PGAP1: variants seen among roughly 807,000 people sequenced by gnomAD.
PGAP1 encodes post-GPI attachment to proteins inositol deacylase 1.
PGAP1 carries 76 observed loss-of-function variants against 127.0 expected under a neutral mutation model. That is an observed-to-expected ratio of 0.60 (90% CI 0.50 to 0.72). PGAP1 has a LOEUF of 0.72. Among genes scored for constraint, PGAP1 ranks in the 30% least tolerant of loss-of-function variants. The pLI, the probability that PGAP1 is intolerant of heterozygous loss-of-function variation, is 0.00. For missense variants in PGAP1, 982 were observed against 1,071.3 expected (o/e 0.92, Z 1.16); for synonymous variants, 362 against 366.5 (o/e 0.99, Z 0.14).
At chr2:196,916,193 T>G (rs1228243097) in intron 3 of PGAP1, among the ~76,000 whole-genome samples, 1 of 152,210 alleles carries the variant, frequency 6.6e-6, no homozygotes, top group Non-Finnish European at 1.5e-5. Context: ...ATATAAAGTT[T>G]TAAAAAGTTT....
intron 12 of PGAP1, among the ~76,000 whole-genome samples, chr2:196,881,026 T>G (rs528960697): frequency 8.5e-5 from 13 of 152,060 alleles, no homozygotes; most frequent in Non-Finnish European, 1.9e-4. Flanking sequence ...CCTCCTACTC[T>G]CCACCCTCCA....
chr2:196,916,201 T>C (rs1048775460), intron 3 of PGAP1, among the ~76,000 whole-genome samples: 9 of 152,172 alleles, frequency 5.9e-5, no homozygotes, highest in African/African-American at 1.4e-4. Flanking sequence ...TTTTAAAAAG[T>C]TTTTCTTCCT....
Position 196,835,322 on chromosome 2 carries a change from A to G in PGAP1, c.*5912T>C, listed in dbSNP as rs1440438861. Reference sequence around the variant, plus strand: ...AAGAGACTGAATGGAAATACATAAAAAACAAAAGAAATTCCACAGTCACCT... The same window carrying G: ...AAGAGACTGAATGGAAATACATAAAGAACAAAAGAAATTCCACAGTCACCT... On this transcript the variant is annotated 3_prime_UTR_variant, in exon 27 of 27. Transcript: ENST00000354764. The G allele has an allele frequency of 6.6e-6, 1 of 151,982 alleles. No homozygotes were observed. The highest frequency in any genetic ancestry group is 1.5e-5 in the Non-Finnish European group (1 of 67,848). 9.4% of individuals were successfully genotyped at this position (151,982 alleles called of 1,614,324 possible). A position where few individuals can be genotyped will look rare whatever the true frequency, so the allele number is the denominator to read the frequency against.
chr2:196,874,134 T>C (rs1234829820), intron 14 of PGAP1, among the ~76,000 whole-genome samples: 1 of 151,946 alleles, frequency 6.6e-6, no homozygotes, highest in African/African-American at 2.4e-5. Context: ...GGGGGAAAAA[T>C]AAAAATCCTA....
At chr2:196,915,485 C>A (rs1702977574) in intron 3 of PGAP1, among the ~76,000 whole-genome samples, 1 of 152,224 alleles carries the variant, frequency 6.6e-6, no homozygotes, top group African/African-American at 2.4e-5. Context: ...TCCTCCATAT[C>A]TGTTCCTCCT....
rs916313915 is a variant in PGAP1 at position 196,839,999 on chromosome 2, T to C, written c.*1235A>G. ...TATGTCTCAGCCTGAGTTTACGCTA[T>C]CCTAAGGCAAAGAGTATACTCTTCT... On this transcript the variant is annotated 3_prime_UTR_variant, in exon 27 of 27. Transcript: ENST00000354764. The C allele has an allele frequency of 7.9e-5, 12 of 152,208 alleles. No homozygotes were observed. The highest frequency in any genetic ancestry group is 7.2e-4 in the Admixed American group (11 of 15,274). 9.4% of individuals were successfully genotyped at this position (152,208 alleles called of 1,614,324 possible). A position where few individuals can be genotyped will look rare whatever the true frequency, so the allele number is the denominator to read the frequency against.
At chr2:196,892,508 T>C (rs565085677) in intron 8 of PGAP1, 107 bp from the exon 9 acceptor site, 3 of 549,900 alleles carry the variant, frequency 5.5e-6, no homozygotes, top group African/African-American at 3.9e-5. Flanking sequence ...AATAAAGAAG[T>C]GGTTTTCTGA....
In PGAP1 at chr2:196,839,348, A is replaced by G. The variant is rs1207956766; in HGVS notation, c.*1886T>C. On this transcript the variant is annotated 3_prime_UTR_variant, in exon 27 of 27. Transcript: ENST00000354764. ...ATCAAAGTTGTTTATAAGTATAGTT[A>G]AACATAGGGAGATGTGTCCCTATTT... The G allele has an allele frequency of 6.6e-6, 1 of 152,288 alleles. No individual in the cohort carries two copies. Among genetic ancestry groups the G allele is most frequent in the Non-Finnish European group, 1.5e-5 (1 of 68,028 alleles). 9.4% of individuals were successfully genotyped at this position (152,288 alleles called of 1,614,324 possible). A position where few individuals can be genotyped will look rare whatever the true frequency, so the allele number is the denominator to read the frequency against.
Position 196,861,358 on chromosome 2 carries a change from G to A in PGAP1, c.1861+3629C>T, listed in dbSNP as rs75317416. On this transcript the variant is annotated intron_variant, in intron 20 of 26. Coordinates refer to ENST00000354764, the MANE Select transcript of PGAP1 (RefSeq NM_024989.4). Reference sequence around the variant, plus strand: ...GCTAAAAGGCTACTGCACAGCAAAGGCAACAAACAACAAAGTGAAGAGATA... The same window carrying A: ...GCTAAAAGGCTACTGCACAGCAAAGACAACAAACAACAAAGTGAAGAGATA... Among the ~76,000 whole-genome samples, 389 of 152,162 alleles carry A rather than the reference G, an allele frequency of 2.6e-3. 3 individuals carry two copies. Among genetic ancestry groups the A allele is most frequent in the African/African-American group, 8.7e-3 (363 of 41,522 alleles).
At chr2:196,843,864 A>G in intron 25 of PGAP1, 24 bp downstream of exon 25, 1 of 1,397,738 alleles carries the variant, frequency 7.2e-7, no homozygotes, top group Non-Finnish European at 9.5e-7. Flanking sequence ...CCACATAAAC[A>G]ATAATTATAT....
In PGAP1 at chr2:196,842,843, G is replaced by A. The variant is rs1700452305; in HGVS notation, c.2526-18C>T. 1 of 1,216,816 alleles carries A rather than the reference G, an allele frequency of 8.2e-7. No individual in the cohort carries two copies. Among genetic ancestry groups the A allele is most frequent in the Non-Finnish European group, 1.2e-6 (1 of 861,364 alleles). The allele number at this position is 1,216,816 out of a possible 1,614,324, so 75.4% of individuals were successfully genotyped here. Reference sequence around the variant, plus strand: ...AATAATACCTATAATATTAAAAAAAGAAACCCACAAATCAACAATGACCTG... The same window carrying A: ...AATAATACCTATAATATTAAAAAAAAAAACCCACAAATCAACAATGACCTG... On this transcript the variant is annotated intron_variant, in intron 25 of 26. Transcript: ENST00000354764.
At chr2:196,912,792 T>C (rs1702873921) in intron 4 of PGAP1, 90 bp downstream of exon 4, 1 of 1,229,994 alleles carries the variant, frequency 8.1e-7, no homozygotes, top group Non-Finnish European at 1.1e-6. Flanking sequence ...GATAAATCTG[T>C]AGCATACTCC....
At chr2:196,891,508 A>T (rs1702099782) in intron 9 of PGAP1, among the ~76,000 whole-genome samples, 1 of 152,178 alleles carries the variant, frequency 6.6e-6, no homozygotes, top group Non-Finnish European at 1.5e-5. Flanking sequence ...AAGAAAACAT[A>T]TTTAAATGCA....
chr2:196,896,828 T>TAAAAAAAAAA (rs566717804), intron 7 of PGAP1, among the ~76,000 whole-genome samples: 3 of 90,602 alleles, frequency 3.3e-5, no homozygotes, highest in South Asian at 4.2e-4. Flanking sequence ...GACTCCATCT[T>TAAAAAAAAAA]AAAAAAAAAA....
chr2:196,875,671 T>C, intron 14 of PGAP1, 75 bp downstream of exon 14: 1 of 782,294 alleles, frequency 1.3e-6, no homozygotes, highest in Non-Finnish European at 2.2e-6. Context: ...CATTTGATAT[T>C]ACAAAGCTCT....
chr2:196,859,512 CTA>C (rs1436760663), intron 20 of PGAP1, among the ~76,000 whole-genome samples: 1 of 151,954 alleles, frequency 6.6e-6, no homozygotes, highest in Admixed American at 6.6e-5. Flanking sequence ...CAAACTCATT[CTA>C]TGAGGCCAGC....
rs1196956303 is a variant in PGAP1 at position 196,873,005 on chromosome 2, C to T, written c.1574G>A (p.Arg525Lys). ...AVKEEITSIY[R>K]LHIPWSYEDS... The stretch of plus-strand genomic sequence containing the variant: ...TTCATAAGACCAAGGAATATGAAGT[C>T]TATAGATACTGGTTATTTCTTCTGT... Residue 525 changes from arginine (R) to lysine (K), a missense_variant, in exon 17 of 27, where the codon AGA becomes AAA. By Grantham distance (26) the Arg-to-Lys change is conservative. Transcript: ENST00000354764. 2.0e-6 allele frequency: 2 copies of T among 978,446 alleles called. No homozygotes were observed. Among genetic ancestry groups the T allele is most frequent in the African/African-American group, 1.7e-5 (1 of 58,698 alleles). The allele number at this position is 978,446 out of a possible 1,614,324, so 60.6% of individuals were successfully genotyped here. A position where few individuals can be genotyped will look rare whatever the true frequency, so the allele number is the denominator to read the frequency against.
At chr2:196,911,495 T>C (rs1428565800) in intron 4 of PGAP1, among the ~76,000 whole-genome samples, 3 of 96,424 alleles carry the variant, frequency 3.1e-5, no homozygotes, top group African/African-American at 4.1e-5. Flanking sequence ...TTGGGAGATA[T>C]ACCTAATGCT....
chr2:196,890,971 A>G, intron 9 of PGAP1, 60 bp from the exon 10 acceptor site: 1 of 843,540 alleles, frequency 1.2e-6, no homozygotes, highest in Admixed American at 2.1e-5. Context: ...TTCATCATTC[A>G]AAAATCCAGA....
Sources: allele counts gnomAD v4.1 joint callset (sites outside exome capture counted in the v4.1 genomes callset), GRCh38; gene constraint gnomAD v4.1.1; transcripts MANE v1.5; gene names NCBI Gene and HGNC (gene_info 2026-07-23, HGNC 2026-07-21).